LOC122539214: variants seen among roughly 807,000 people sequenced by gnomAD.
At chr19:52,684,551 AAAAAG>A in the LOC122539214 span, among the ~76,000 whole-genome samples, 1 of 142,540 alleles carries the variant, frequency 7.0e-6, no homozygotes, top group African/African-American at 2.8e-5. Context: ...CTCTGTCTAA[AAAAAG>A]AAAAAAAAAG....
At chr19:52,677,468 AG>A in the LOC122539214 span, among the ~76,000 whole-genome samples, 1 of 152,074 alleles carries the variant, frequency 6.6e-6, no homozygotes, top group Non-Finnish European at 1.5e-5. Flanking sequence ...CATGGGTGAC[AG>A]AGTGAGACTC....
chr19:52,669,679 C>T, the LOC122539214 span, among the ~76,000 whole-genome samples: 1 of 152,184 alleles, frequency 6.6e-6, no homozygotes, highest in Non-Finnish European at 1.5e-5. Context: ...GACCCCTTTT[C>T]AGGATGGCTA....
chr19:52,686,577 T>C, the LOC122539214 span, among the ~76,000 whole-genome samples: 463 of 151,744 alleles, frequency 3.1e-3, 2 homozygotes, highest in Middle Eastern at 0.027. Flanking sequence ...TTATTTTTTG[T>C]TTGTTTGTTT....
chr19:52,664,921 C>A, the LOC122539214 span, among the ~76,000 whole-genome samples: 1 of 152,032 alleles, frequency 6.6e-6, no homozygotes, highest in Non-Finnish European at 1.5e-5. Flanking sequence ...GGAAATAGTA[C>A]CTCCCTGAGA....
chr19:52,687,404 C>A, the LOC122539214 span, among the ~76,000 whole-genome samples: 30 of 41,386 alleles, frequency 7.2e-4, 4 homozygotes, highest in East Asian at 1.5e-3. Flanking sequence ...ATTTATATAG[C>A]TATATAAATT....
At chr19:52,676,713 A>T in the LOC122539214 span, among the ~76,000 whole-genome samples, 1 of 137,372 alleles carries the variant, frequency 7.3e-6, no homozygotes, top group Admixed American at 7.2e-5. Flanking sequence ...AAGATTGAGA[A>T]ATCGGATGGT....
chr19:52,672,763 T>A, the LOC122539214 span, among the ~76,000 whole-genome samples: 1 of 152,078 alleles, frequency 6.6e-6, no homozygotes, highest in Non-Finnish European at 1.5e-5. Context: ...TCATGCTGGG[T>A]TAATTTTTGT....
chr19:52,661,995 C>A, the LOC122539214 span, among the ~76,000 whole-genome samples: 2 of 152,064 alleles, frequency 1.3e-5, no homozygotes, highest in African/African-American at 2.4e-5. Flanking sequence ...AAGAAACCTG[C>A]GTGGCTGGAG....
At chr19:52,669,134 C>T in the LOC122539214 span, among the ~76,000 whole-genome samples, 1 of 152,176 alleles carries the variant, frequency 6.6e-6, no homozygotes, top group Non-Finnish European at 1.5e-5. Context: ...GGACACTTTA[C>T]TGAGTAACTG....
the LOC122539214 span, among the ~76,000 whole-genome samples, chr19:52,688,112 C>T: frequency 6.6e-6 from 1 of 152,046 alleles, no homozygotes; most frequent in Non-Finnish European, 1.5e-5. Context: ...CAGAAGTCAA[C>T]ATGTCACAAC....
At chr19:52,687,752 G>A in the LOC122539214 span, among the ~76,000 whole-genome samples, 1,638 of 145,286 alleles carry the variant, frequency 0.011, 35 homozygotes, top group African/African-American at 0.039. Flanking sequence ...TTGACCCCAG[G>A]GGGCCAAGGC....
At chr19:52,651,881 C>T in the LOC122539214 span, 3 of 166,544 alleles carry the variant, frequency 1.8e-5, no homozygotes, top group South Asian at 1.8e-4. Flanking sequence ...TTCTTCTTGA[C>T]GTAAACACTT....
At chr19:52,671,007 A>T in the LOC122539214 span, among the ~76,000 whole-genome samples, 1 of 152,196 alleles carries the variant, frequency 6.6e-6, no homozygotes, top group African/African-American at 2.4e-5. Flanking sequence ...AAGGTGTTAG[A>T]TTTTTAGTTA....
the LOC122539214 span, chr19:52,653,018 G>A: frequency 7.0e-7 from 1 of 1,435,718 alleles, no homozygotes; most frequent in South Asian, 1.1e-5. Flanking sequence ...TGTTGTGCAA[G>A]GTTTGACTGT....
chr19:52,666,721 C>T, the LOC122539214 span, among the ~76,000 whole-genome samples: 1 of 151,574 alleles, frequency 6.6e-6, no homozygotes, highest in Non-Finnish European at 1.5e-5. Flanking sequence ...ACATTAACCA[C>T]TGAAAATTCC....
the LOC122539214 span, among the ~76,000 whole-genome samples, chr19:52,661,216 G>A: frequency 1.3e-5 from 2 of 152,086 alleles, no homozygotes; most frequent in African/African-American, 2.4e-5. Context: ...AACATACACA[G>A]GGGAGACCTT....
At chr19:52,653,122 G>C in the LOC122539214 span, 5 of 1,461,272 alleles carry the variant, frequency 3.4e-6, no homozygotes, top group South Asian at 4.5e-5. Flanking sequence ...TCGAGCAAAG[G>C]TCTTGCCACA....
chr19:52,668,171 A>G, the LOC122539214 span, among the ~76,000 whole-genome samples: 2 of 152,122 alleles, frequency 1.3e-5, no homozygotes, highest in African/African-American at 4.8e-5. Context: ...CGGCCTGGGG[A>G]TGACGTTCTC....
the LOC122539214 span, among the ~76,000 whole-genome samples, chr19:52,689,819 C>G: frequency 6.6e-6 from 1 of 152,136 alleles, no homozygotes; most frequent in African/African-American, 2.4e-5. Context: ...GCCTGCATCC[C>G]GGAGGAGCTT....
Sources: allele counts gnomAD v4.1 joint callset (sites outside exome capture counted in the v4.1 genomes callset), GRCh38; gene constraint gnomAD v4.1.1; transcripts MANE v1.5.